BRD7: variants seen among roughly 807,000 people sequenced by gnomAD.
BRD7 encodes the protein bromodomain-containing protein 7.
In BRD7, 15 loss-of-function variants were observed where a neutral mutation model predicts 82.1. The observed-to-expected ratio is 0.18, with a 90% confidence interval of 0.12 to 0.28. BRD7 has a LOEUF of 0.28. Among genes scored for constraint, BRD7 ranks in the 10% least tolerant of loss-of-function variants. The pLI is 1.00. For synonymous variants in BRD7, 232 were observed against 266.9 expected (o/e 0.87, Z 1.27); for missense variants, 638 against 779.9 (o/e 0.82, Z 2.17).
chr16:50,327,329 G>A (rs746289535), intron 9 of BRD7, among the ~76,000 whole-genome samples: 4 of 152,084 alleles, frequency 2.6e-5, no homozygotes, highest in African/African-American at 4.8e-5. Flanking sequence ...GACCACACTC[G>A]GCTTCACAGA....
At chr16:50,342,811 T>G (rs2038124128) in intron 5 of BRD7, among the ~76,000 whole-genome samples, 1 of 152,208 alleles carries the variant, frequency 6.6e-6, no homozygotes, top group African/African-American at 2.4e-5. Flanking sequence ...TGAGCACTAC[T>G]GTGGTTATGT....
chr16:50,339,897 T>A, intron 6 of BRD7, 79 bp downstream of exon 6: 1 of 735,860 alleles, frequency 1.4e-6, no homozygotes, highest in South Asian at 2.1e-5. Context: ...CAATACTGTA[T>A]TGTATCTGTA....
At chr16:50,345,901 G>A (rs1232261503) in intron 5 of BRD7, among the ~76,000 whole-genome samples, 2 of 152,162 alleles carry the variant, frequency 1.3e-5, no homozygotes, top group African/African-American at 4.8e-5. Flanking sequence ...ATTGAACTCA[G>A]CTCTGCACCA....
chr16:50,331,041 A>G (rs1324860393), intron 8 of BRD7, among the ~76,000 whole-genome samples: 1 of 152,210 alleles, frequency 6.6e-6, no homozygotes, highest in Admixed American at 6.5e-5. Flanking sequence ...ATAATGTTCA[A>G]GCTGAGCACC....
At chr16:50,322,729 T>C (rs1000910184) in intron 12 of BRD7, among the ~76,000 whole-genome samples, 1 of 152,242 alleles carries the variant, frequency 6.6e-6, no homozygotes, top group Admixed American at 6.5e-5. Flanking sequence ...TGAAAAATAT[T>C]CAATTTTCGT....
chr16:50,352,529 A>G (rs1256869914), intron 4 of BRD7, among the ~76,000 whole-genome samples: 5 of 152,198 alleles, frequency 3.3e-5, no homozygotes, highest in African/African-American at 1.2e-4. Context: ...TCTCCTGGAC[A>G]TACTGATTTC....
At chr16:50,331,509 C>G (rs1213903619) in intron 8 of BRD7, among the ~76,000 whole-genome samples, 1 of 152,198 alleles carries the variant, frequency 6.6e-6, no homozygotes, top group Non-Finnish European at 1.5e-5. Context: ...TGAGACCTGC[C>G]TGGGCAATAT....
In BRD7 at chr16:50,321,841, T is replaced by C. The variant is rs373531966; in HGVS notation, c.1500+141A>G. 5.5e-6 allele frequency: 4 copies of C among 723,698 alleles called. No individual in the cohort carries two copies. In the East Asian group the frequency reaches 8.2e-5, roughly 15 times the overall value. 44.8% of individuals were successfully genotyped at this position (723,698 alleles called of 1,614,324 possible). A position where few individuals can be genotyped will look rare whatever the true frequency, so the allele number is the denominator to read the frequency against. On this transcript the variant is annotated intron_variant, in intron 13 of 16. Transcript: ENST00000394688. ...CTTGGCACTGATATGCATTTATGGT[T>C]TGCCATTTCAGCTAGGCCCTCACAA...
At chr16:50,359,994 T>G (rs1337725257) in intron 2 of BRD7, among the ~76,000 whole-genome samples, 1 of 152,248 alleles carries the variant, frequency 6.6e-6, no homozygotes, top group Non-Finnish European at 1.5e-5. Flanking sequence ...TCTGACTAGA[T>G]TCTAATTTGC....
At chr16:50,364,661 G>C (rs1371082606) in intron 2 of BRD7, among the ~76,000 whole-genome samples, 1 of 152,164 alleles carries the variant, frequency 6.6e-6, no homozygotes, top group Non-Finnish European at 1.5e-5. Context: ...CTGGAACACA[G>C]GGGGGAGAAC....
At chr16:50,335,244 C>T (rs2037749633) in intron 6 of BRD7, among the ~76,000 whole-genome samples, 1 of 152,174 alleles carries the variant, frequency 6.6e-6, no homozygotes, top group Non-Finnish European at 1.5e-5. Context: ...GTTTAACAGA[C>T]AGGCTTATCT....
chr16:50,349,587 G>A (rs1597077657), intron 5 of BRD7: 1 of 470,428 alleles, frequency 2.1e-6, no homozygotes, highest in East Asian at 6.9e-5. Context: ...GTTAATCAAA[G>A]CTCTTTTCTT....
At chr16:50,357,013 C>T (rs2038762074) in intron 2 of BRD7, among the ~76,000 whole-genome samples, 1 of 152,178 alleles carries the variant, frequency 6.6e-6, no homozygotes, top group Non-Finnish European at 1.5e-5. Flanking sequence ...GGTCACCAGA[C>T]TGGCAGCATC....
At chr16:50,352,173 A>G (rs1367872978) in intron 4 of BRD7, among the ~76,000 whole-genome samples, 2 of 152,224 alleles carry the variant, frequency 1.3e-5, no homozygotes, top group Non-Finnish European at 2.9e-5. Context: ...TGCCCTCACC[A>G]TATTTTCTGT....
At chr16:50,361,087 G>A (rs901367721) in intron 2 of BRD7, among the ~76,000 whole-genome samples, 2 of 152,186 alleles carry the variant, frequency 1.3e-5, no homozygotes, top group African/African-American at 4.8e-5. Context: ...TCAGCAGTAC[G>A]AGATACTAAC....
chr16:50,322,014 TATGGCCTTC>T lies in BRD7; in HGVS notation c.1459_1467del (p.Glu487_His489del). ...TCTTTTGCTGTGTCAAGTGTCCTAG[TATGGCCTTC>T]ATCTTCAGGCAATGACTATAAGGAT... is the stretch of plus-strand genomic sequence containing the variant. On this transcript the variant is annotated inframe_deletion, in exon 13 of 17. Coordinates refer to ENST00000394688, the MANE Select transcript of BRD7 (RefSeq NM_013263.5). 1 of 1,611,290 alleles carries T rather than the reference TATGGCCTTC, an allele frequency of 6.2e-7. No homozygotes were observed. Among genetic ancestry groups the T allele is most frequent in the Non-Finnish European group, 8.5e-7 (1 of 1,179,466 alleles).
chr16:50,337,621 G>C (rs2037864843), intron 6 of BRD7, among the ~76,000 whole-genome samples: 1 of 152,032 alleles, frequency 6.6e-6, no homozygotes, highest in African/African-American at 2.4e-5. Flanking sequence ...GAGTGTAACT[G>C]AAAAAATGAT....
chr16:50,346,173 G>A (rs2038275290), intron 5 of BRD7, among the ~76,000 whole-genome samples: 1 of 152,138 alleles, frequency 6.6e-6, no homozygotes. Context: ...ATGACTACCA[G>A]GTACATAACG....
At chr16:50,323,801 T>C in intron 11 of BRD7, 103 bp from the exon 12 acceptor site, 1 of 747,056 alleles carries the variant, frequency 1.3e-6, no homozygotes, top group Non-Finnish European at 2.3e-6. Context: ...TTATACATCA[T>C]GACATCAAAT....
Sources: allele counts gnomAD v4.1 joint callset (sites outside exome capture counted in the v4.1 genomes callset), GRCh38; gene constraint gnomAD v4.1.1; transcripts MANE v1.5; gene names NCBI Gene and HGNC (gene_info 2026-07-23, HGNC 2026-07-21).